Variants in ASTN1 observed in about 807,000 individuals in gnomAD.
The protein encoded by ASTN1 is astrotactin-1.
Under a neutral mutation model 140.7 loss-of-function variants are expected in ASTN1, and 41 were observed. That is an observed-to-expected ratio of 0.29 (90% CI 0.23 to 0.38). The LOEUF is 0.38. Ranked by LOEUF, ASTN1 falls within the 10% of genes least tolerant of loss-of-function variation. ASTN1 has a pLI of 1.00. For synonymous variants in ASTN1, 640 were observed against 652.2 expected (o/e 0.98, Z 0.29); for missense variants, 1,479 against 1,678.8 (o/e 0.88, Z 2.08).
intron 2 of ASTN1, among the ~76,000 whole-genome samples, chr1:177,036,336 C>T (rs918434229): frequency 2.6e-5 from 4 of 151,906 alleles, no homozygotes; most frequent in Admixed American, 6.6e-5. Context: ...TGTGAGCCAC[C>T]GTGCCCGGCC....
chr1:176,889,542 C>T (rs1464865328), intron 17 of ASTN1, among the ~76,000 whole-genome samples: 2 of 152,188 alleles, frequency 1.3e-5, no homozygotes, highest in African/African-American at 4.8e-5. Flanking sequence ...ATCAGAATGT[C>T]TAAACCTAAA....
intron 9 of ASTN1, among the ~76,000 whole-genome samples, chr1:176,964,183 G>A (rs1672776759): frequency 6.6e-6 from 1 of 152,164 alleles, no homozygotes. Flanking sequence ...CTAGGAAGGG[G>A]CTTGGAAAGG....
intron 2 of ASTN1, among the ~76,000 whole-genome samples, chr1:177,034,917 CTA>C (rs1043531174): frequency 9.9e-5 from 15 of 152,174 alleles, no homozygotes; most frequent in African/African-American, 3.6e-4. Flanking sequence ...GGCTTAAACA[CTA>C]TGTTTTTTGC....
Position 177,032,770 on chromosome 1 carries a change from C to T in ASTN1, c.551G>A (p.Arg184His), listed in dbSNP as rs534360400. The part of the protein sequence containing the change: ...LYTRRRWCKR[R>H]RVPQPQKSAS... Reference sequence around the variant, plus strand: ...ACTCTTCTGGGGCTGCGGGACCCGGCGGCGTTTGCACCAGCGCCGGCGAGT... The same window carrying T: ...ACTCTTCTGGGGCTGCGGGACCCGGTGGCGTTTGCACCAGCGCCGGCGAGT... The change falls in exon 3 of 23, where the codon CGC (arginine) becomes CAC (histidine). Residue 184 changes from arginine to histidine, a missense_variant. Arg to His is a conservative substitution (Grantham distance 29). Coordinates refer to ENST00000361833, the MANE Select transcript of ASTN1 (RefSeq NM_004319.3). The T allele has an allele frequency of 8.1e-6, 13 of 1,613,314 alleles. No homozygotes were observed. Among genetic ancestry groups the T allele is most frequent in the Non-Finnish European group, 1.0e-5 (12 of 1,180,006 alleles).
intron 16 of ASTN1, among the ~76,000 whole-genome samples, chr1:176,926,245 T>C (rs61813272): frequency 0.063 from 9,300 of 147,802 alleles, 357 homozygotes; most frequent in Non-Finnish European, 0.086. Context: ...GTTTGAAGAT[T>C]AAATGAAAAA....
At chr1:176,953,846 C>T (rs945598334) in intron 11 of ASTN1, among the ~76,000 whole-genome samples, 1 of 152,164 alleles carries the variant, frequency 6.6e-6, no homozygotes, top group African/African-American at 2.4e-5. Flanking sequence ...GGCTGCTCAC[C>T]TGTGTACATT....
chr1:176,934,772 T>C (rs1671362588), intron 15 of ASTN1, among the ~76,000 whole-genome samples: 1 of 152,046 alleles, frequency 6.6e-6, no homozygotes, highest in Admixed American at 6.6e-5. Flanking sequence ...TATCGCTTCA[T>C]GAAACTTCTG....
chr1:176,979,353 C>T (rs1673507598), intron 8 of ASTN1, among the ~76,000 whole-genome samples: 1 of 151,872 alleles, frequency 6.6e-6, no homozygotes, highest in Non-Finnish European at 1.5e-5. Context: ...TGGCTTTCTC[C>T]CATTCCAGGG....
chr1:176,879,390 T>C (rs1008868498), intron 20 of ASTN1, among the ~76,000 whole-genome samples: 2 of 152,200 alleles, frequency 1.3e-5, no homozygotes, highest in Admixed American at 1.3e-4. Flanking sequence ...TGATGCTGCC[T>C]GCAATATGTT....
intron 9 of ASTN1, 143 bp downstream of exon 9, chr1:176,965,020 G>A (rs1672814462): frequency 2.7e-6 from 2 of 746,578 alleles, no homozygotes; most frequent in Admixed American, 2.1e-5. Flanking sequence ...CATGACTGGG[G>A]GCAAACACTT....
At chr1:176,865,319 G>C in intron 22 of ASTN1, among the ~76,000 whole-genome samples, 1 of 152,172 alleles carries the variant, frequency 6.6e-6, no homozygotes, top group South Asian at 2.1e-4. Context: ...GAACCCCCTG[G>C]GCCAGAGTGT....
rs1182504752 is a variant in ASTN1 at position 176,863,827 on chromosome 1, G to A, written c.*457C>T. Reference sequence around the variant, plus strand: ...GCTCCCAGAGTGAGACGCTTCCTGAGGAATGCTTGAGGGTGGGGCCTGCGG... The same window carrying A: ...GCTCCCAGAGTGAGACGCTTCCTGAAGAATGCTTGAGGGTGGGGCCTGCGG... On this transcript the variant is annotated 3_prime_UTR_variant, in exon 23 of 23. Coordinates refer to ENST00000361833, the MANE Select transcript of ASTN1 (RefSeq NM_004319.3). 4 of 994,870 alleles carry A rather than the reference G, an allele frequency of 4.0e-6. No homozygotes were observed. The highest frequency in any genetic ancestry group is 4.8e-6 in the Non-Finnish European group (4 of 835,002). The allele number at this position is 994,870 out of a possible 1,614,324, so 61.6% of individuals were successfully genotyped here. A position where few individuals can be genotyped will look rare whatever the true frequency, so the allele number is the denominator to read the frequency against.
intron 5 of ASTN1, among the ~76,000 whole-genome samples, chr1:177,027,682 ACTT>A (rs761170575): frequency 2.1e-5 from 3 of 142,174 alleles, no homozygotes; most frequent in African/African-American, 5.3e-5. Flanking sequence ...CTTATCCTAG[ACTT>A]CTTCTCCTCT....
chr1:177,096,947 C>T (rs188462574), intron 1 of ASTN1, among the ~76,000 whole-genome samples: 2 of 152,274 alleles, frequency 1.3e-5, no homozygotes, highest in Non-Finnish European at 2.9e-5. Context: ...GGCACCATCT[C>T]TGAACTAAGA....
intron 1 of ASTN1, among the ~76,000 whole-genome samples, chr1:177,149,160 GTATATATAGTAAATATATAGTGTA>G (rs1482668012): frequency 4.2e-5 from 4 of 95,526 alleles, no homozygotes; most frequent in African/African-American, 2.8e-4. Flanking sequence ...TATATATAGT[GTATATATAGTAAATATATAGTGTA>G]TATATATAGT....
chr1:176,945,024 C>T (rs58582551), intron 13 of ASTN1, among the ~76,000 whole-genome samples: 17,879 of 152,164 alleles, frequency 0.12, 1,331 homozygotes, highest in Admixed American at 0.18. Flanking sequence ...TATCATAATA[C>T]TGACATCCTC....
intron 1 of ASTN1, among the ~76,000 whole-genome samples, chr1:177,164,013 C>A (rs1162077818): frequency 1.3e-5 from 2 of 152,044 alleles, no homozygotes; most frequent in African/African-American, 4.8e-5. Context: ...AAGAGCTGAG[C>A]ATGTGGCTAG....
At position 177,164,500 on chromosome 1, in the gene ASTN1, G is replaced by T. The variant is rs1558142585; in HGVS notation, c.177C>A (p.Pro59=). The T allele has an allele frequency of 6.2e-7, 1 of 1,613,856 alleles. No individual in the cohort carries two copies. Among genetic ancestry groups the T allele is most frequent in the South Asian group, 1.1e-5 (1 of 91,072 alleles). Residue 59 remains proline, a synonymous_variant, in exon 1 of 23, where the codon CCC becomes CCA. Transcript: ENST00000361833. ...AGAGGAGCTTGGGCTCCGAGGCCGAGGGGCTGTGCATGATGCTCAGGTCGT... is the reference window on the plus strand; with the variant it reads ...AGAGGAGCTTGGGCTCCGAGGCCGATGGGCTGTGCATGATGCTCAGGTCGT... ...RENDLSIMHS[P]SASEPKLLFS...
intron 5 of ASTN1, 121 bp from the exon 6 acceptor site, chr1:177,024,853 A>T: frequency 8.9e-7 from 1 of 1,117,382 alleles, no homozygotes; most frequent in East Asian, 2.6e-5. Context: ...TAGCCCATGG[A>T]GGGAACTGTC....
Sources: gnomAD v4.1 joint callset for allele counts (sites outside exome capture counted in the v4.1 genomes callset) on GRCh38, gnomAD v4.1.1 for gene constraint, MANE v1.5 for transcripts, NCBI Gene and HGNC (gene_info 2026-07-23, HGNC 2026-07-21) for gene names.